The following KIZ variants were observed in gnomAD, a reference collection of about 807,000 sequenced individuals.
KIZ encodes the protein kizuna centrosomal protein.
A neutral mutation model predicts 79.6 loss-of-function variants in KIZ; 68 were observed. The ratio of observed to expected loss-of-function variants is 0.85; its 90% CI spans 0.70 to 1.05. KIZ has a LOEUF of 1.05. KIZ is among the 50% of genes least tolerant of loss of function. The pLI is 0.00. For synonymous variants in KIZ, 280 were observed against 281.8 expected (o/e 0.99, Z 0.06); for missense variants, 797 against 800.4 (o/e 1.00, Z 0.05).
intron 6 of KIZ, chr20:21,166,653 TC>T: frequency 2.6e-6 from 2 of 775,452 alleles, no homozygotes; most frequent in Non-Finnish European, 4.2e-6. Flanking sequence ...AGACTTGGTT[TC>T]TCCATGTTGG....
intron 2 of KIZ, chr20:21,132,833 G>A (rs544140775): frequency 6.6e-6 from 1 of 152,254 alleles, no homozygotes; most frequent in African/African-American, 2.4e-5. Context: ...CATAATTACT[G>A]TAGTTGATCT....
At chr20:21,233,951 A>G (rs1042991930) in intron 11 of KIZ, among the ~76,000 whole-genome samples, 1 of 152,186 alleles carries the variant, frequency 6.6e-6, no homozygotes, top group African/African-American at 2.4e-5. Flanking sequence ...TGGGACAGGA[A>G]GAGTGTTAAA....
intron 3 of KIZ, among the ~76,000 whole-genome samples, chr20:21,143,424 TATC>T (rs2032680911): frequency 6.6e-6 from 1 of 152,118 alleles, no homozygotes. Context: ...ATGCAGAAAG[TATC>T]ATAATGGAAA....
chr20:21,193,298 A>G (rs544715957), intron 6 of KIZ, among the ~76,000 whole-genome samples: 1 of 152,302 alleles, frequency 6.6e-6, no homozygotes, highest in South Asian at 2.1e-4. Context: ...AAAAGATAAC[A>G]CTGGCAGGAA....
intron 1 of KIZ, among the ~76,000 whole-genome samples, chr20:21,130,610 T>C (rs574745313): frequency 1.8e-4 from 27 of 152,352 alleles, no homozygotes; most frequent in Non-Finnish European, 3.2e-4. Flanking sequence ...AATGTGTGTT[T>C]TTGTAATTTT....
intron 11 of KIZ, among the ~76,000 whole-genome samples, chr20:21,237,539 C>T (rs1455251133): frequency 6.6e-6 from 1 of 152,112 alleles, no homozygotes; most frequent in African/African-American, 2.4e-5. Context: ...GCCAGCTCCC[C>T]TTGTCCCCCT....
At chr20:21,229,229 G>A (rs1293963076) in intron 10 of KIZ, 114 bp downstream of exon 10, 5 of 646,794 alleles carry the variant, frequency 7.7e-6, no homozygotes, top group Non-Finnish European at 1.4e-5. Flanking sequence ...GTAACGAGCT[G>A]TCACCAGGAC....
chr20:21,205,469 G>T (rs1160321690), intron 6 of KIZ, 22 bp from the exon 7 acceptor site: 3 of 977,984 alleles, frequency 3.1e-6, no homozygotes, highest in Non-Finnish European at 4.7e-6. Context: ...TCTATAGTGA[G>T]TGTCCTGTTT....
chr20:21,137,632 A>T (rs947252629), intron 3 of KIZ, among the ~76,000 whole-genome samples: 19 of 146,542 alleles, frequency 1.3e-4, no homozygotes, highest in Admixed American at 1.2e-3. Flanking sequence ...TTGTATGTGT[A>T]TTTTTTTTTT....
intron 3 of KIZ, among the ~76,000 whole-genome samples, chr20:21,143,389 G>A (rs1381151874): frequency 6.6e-6 from 1 of 152,216 alleles, no homozygotes; most frequent in African/African-American, 2.4e-5. Context: ...GTAAAGTGAT[G>A]GAGGGGAAAT....
intron 1 of KIZ, among the ~76,000 whole-genome samples, chr20:21,128,802 A>G (rs1399534890): frequency 1.3e-5 from 2 of 152,218 alleles, no homozygotes; most frequent in Middle Eastern, 6.3e-3. Flanking sequence ...TTCAGTGCCT[A>G]TATTGATTCA....
intron 6 of KIZ, among the ~76,000 whole-genome samples, chr20:21,201,372 A>G (rs1407553237): frequency 6.6e-6 from 1 of 152,238 alleles, no homozygotes; most frequent in Non-Finnish European, 1.5e-5. Context: ...TATGAGAAAC[A>G]TAATGAGACT....
intron 12 of KIZ, 149 bp from the exon 13 acceptor site, chr20:21,246,330 T>C: frequency 1.6e-6 from 1 of 638,526 alleles, no homozygotes; most frequent in Non-Finnish European, 2.8e-6. Context: ...TGCATTTGGG[T>C]GTGTCTGGTC....
At chr20:21,185,099 C>T (rs1156304116) in intron 6 of KIZ, among the ~76,000 whole-genome samples, 5 of 149,102 alleles carry the variant, frequency 3.4e-5, no homozygotes, top group Non-Finnish European at 5.9e-5. Flanking sequence ...TGTGTGTATG[C>T]ACGTGCACGT....
intron 6 of KIZ, among the ~76,000 whole-genome samples, chr20:21,200,834 A>G (rs1459661606): frequency 6.6e-6 from 1 of 152,210 alleles, no homozygotes; most frequent in Admixed American, 6.5e-5. Context: ...TCTTAAGAGA[A>G]AAAAAGAACA....
intron 11 of KIZ, among the ~76,000 whole-genome samples, chr20:21,235,865 CT>C (rs1555888780): frequency 6.6e-6 from 1 of 152,254 alleles, no homozygotes; most frequent in Non-Finnish European, 1.5e-5. Flanking sequence ...GCAGCTGATG[CT>C]CTGATGGCGG....
intron 4 of KIZ, among the ~76,000 whole-genome samples, chr20:21,150,026 C>T (rs896415527): frequency 6.6e-6 from 1 of 152,154 alleles, no homozygotes; most frequent in Non-Finnish European, 1.5e-5. Flanking sequence ...TCACTCATAG[C>T]ACCTGGTGCT....
At chr20:21,126,234 C>A in intron 1 of KIZ, 30 bp downstream of exon 1, 2 of 1,330,406 alleles carry the variant, frequency 1.5e-6, no homozygotes, top group South Asian at 3.3e-5. Context: ...GGTGGGGAGT[C>A]GGCCCGCGCC....
intron 11 of KIZ, among the ~76,000 whole-genome samples, chr20:21,236,818 A>C (rs6082353): frequency 0.58 from 87,896 of 151,580 alleles, 27,261 homozygotes; most frequent in South Asian, 0.78. Context: ...AACATGGTGA[A>C]TATCCCTATC....
Sources: allele counts gnomAD v4.1 joint callset (sites outside exome capture counted in the v4.1 genomes callset), GRCh38; gene constraint gnomAD v4.1.1; transcripts MANE v1.5; gene names NCBI Gene and HGNC (gene_info 2026-07-23, HGNC 2026-07-21).